SLC24A2: variants seen among roughly 807,000 people sequenced by gnomAD.
SLC24A2 encodes the protein solute carrier family 24 member 2.
Under a neutral mutation model 62.0 loss-of-function variants are expected in SLC24A2, and 36 were observed. The observed-to-expected ratio is 0.58, with a 90% CI of 0.44 to 0.77. The LOEUF (loss-of-function observed/expected upper bound fraction) is 0.77, where lower values mean the gene tolerates loss of function less well. Among genes scored for constraint, SLC24A2 ranks in the 30% least tolerant of loss-of-function variants. SLC24A2 has a pLI of 0.00. For synonymous variants in SLC24A2, 358 were observed against 294.0 expected, an observed-to-expected ratio of 1.22 and a Z score of -2.23; for missense variants, 846 against 817.9, an observed-to-expected ratio of 1.03 and a Z score of -0.42.
At chr9:20,295,112 TAC>T in the SLC24A2 span, among the ~76,000 whole-genome samples, 9 of 151,366 alleles carry the variant, frequency 5.9e-5, no homozygotes, top group African/African-American at 1.2e-4. Context: ...CCTCAAGAGA[TAC>T]AGTCACAAAT....
chr9:19,561,258 C>G (rs1015511830), intron 7 of SLC24A2, among the ~76,000 whole-genome samples: 2 of 151,696 alleles, frequency 1.3e-5, no homozygotes, highest in African/African-American at 4.8e-5. Flanking sequence ...CCAACTAATT[C>G]TCTCTACTCT....
At chr9:19,572,233 C>G (rs376424289) in intron 7 of SLC24A2, among the ~76,000 whole-genome samples, 2 of 117,658 alleles carry the variant, frequency 1.7e-5, no homozygotes, top group African/African-American at 6.6e-5. Context: ...GCACTCCAGG[C>G]TGGGTGACAG....
intron 2 of SLC24A2, among the ~76,000 whole-genome samples, chr9:19,636,334 T>TCC (rs1194037798): frequency 2.7e-4 from 7 of 25,918 alleles, no homozygotes; most frequent in African/African-American, 1.1e-3. Context: ...TTTCTTTCTT[T>TCC]CTTTCTTTCT....
chr9:19,695,937 A>G (rs1420721885), intron 2 of SLC24A2, among the ~76,000 whole-genome samples: 1 of 152,172 alleles, frequency 6.6e-6, no homozygotes, highest in Non-Finnish European at 1.5e-5. Context: ...CAACAACTTT[A>G]CTATATCTAC....
chr9:19,632,234 T>C lies in SLC24A2; in HGVS notation c.931-9935A>G, dbSNP rs76115167. 0.017 allele frequency among the ~76,000 whole-genome samples: 2,535 copies of C among 152,296 alleles called. 48 individuals are homozygous for C. The highest frequency in any genetic ancestry group is 0.094 in the East Asian group (485 of 5,170). Reference sequence around the variant, plus strand: ...CCCCATCTGCCATCCTTTGCTGTCATAGGGAGTCCAGGCAAATTGTCATTT... The same window carrying C: ...CCCCATCTGCCATCCTTTGCTGTCACAGGGAGTCCAGGCAAATTGTCATTT... On this transcript the variant is annotated intron_variant, in intron 2 of 10. Transcript: ENST00000341998. The surrounding 1 kb of genome is among the most constrained non-coding windows in gnomAD (Gnocchi z 4.5).
At chr9:19,976,077 T>C in the SLC24A2 span, among the ~76,000 whole-genome samples, 20 of 152,054 alleles carry the variant, frequency 1.3e-4, no homozygotes, top group Non-Finnish European at 2.5e-4. Context: ...GGTAACAGAG[T>C]CTTGCCATGT....
At chr9:20,039,366 G>A in the SLC24A2 span, among the ~76,000 whole-genome samples, 3 of 152,066 alleles carry the variant, frequency 2.0e-5, no homozygotes, top group Non-Finnish European at 2.9e-5. Flanking sequence ...ACTGGGATGC[G>A]GCAGCTGGCA....
the SLC24A2 span, among the ~76,000 whole-genome samples, chr9:20,112,943 C>T: frequency 6.6e-6 from 1 of 151,996 alleles, no homozygotes; most frequent in Non-Finnish European, 1.5e-5. Flanking sequence ...GTGAGAGACA[C>T]ACGGTTAGGG....
In SLC24A2 at chr9:19,749,524, A is replaced by G. The variant is rs112977641; in HGVS notation, c.930+36413T>C. On this transcript the variant is annotated intron_variant, in intron 2 of 10. Coordinates refer to ENST00000341998, the MANE Select transcript of SLC24A2 (RefSeq NM_020344.4). ...TGGTCTCTTCCTGTGCTAAAGACAA[A>G]AGGGACTGCTTATTTCTTACTAGAA... 3.5e-3 allele frequency among the ~76,000 whole-genome samples: 529 copies of G among 152,296 alleles called. 2 individuals carry two copies. Among genetic ancestry groups the G allele is most frequent in the African/African-American group, 0.012 (502 of 41,574 alleles).
chr9:20,044,653 A>C, the SLC24A2 span, among the ~76,000 whole-genome samples: 1 of 19,256 alleles, frequency 5.2e-5, no homozygotes, highest in Non-Finnish European at 7.6e-5. Context: ...ACAATGACCC[A>C]GATCATAAAA....
At chr9:20,249,820 G>T in the SLC24A2 span, among the ~76,000 whole-genome samples, 1 of 151,864 alleles carries the variant, frequency 6.6e-6, no homozygotes, top group Non-Finnish European at 1.5e-5. Context: ...AGTGAGGAAG[G>T]AGTGGTCACA....
At chr9:19,779,819 G>T (rs928397462) in intron 2 of SLC24A2, among the ~76,000 whole-genome samples, 3 of 152,210 alleles carry the variant, frequency 2.0e-5, no homozygotes, top group African/African-American at 7.2e-5. Flanking sequence ...GAGCATTTTG[G>T]GAGGCCGAGG....
the SLC24A2 span, among the ~76,000 whole-genome samples, chr9:19,978,063 G>A: frequency 6.6e-6 from 1 of 152,014 alleles, no homozygotes; most frequent in East Asian, 1.9e-4. Context: ...TAAATAGATG[G>A]GTGTTCAGAC....
chr9:19,994,411 T>C, the SLC24A2 span, among the ~76,000 whole-genome samples: 1 of 152,334 alleles, frequency 6.6e-6, no homozygotes, highest in South Asian at 2.1e-4. Flanking sequence ...CTCACCCTCC[T>C]TTCTGAGTCA....
the SLC24A2 span, among the ~76,000 whole-genome samples, chr9:20,281,255 T>C: frequency 1.3e-5 from 2 of 152,346 alleles, no homozygotes; most frequent in South Asian, 4.1e-4. Context: ...TAAGAAACTA[T>C]AACTACAACA....
chr9:20,047,002 G>T, the SLC24A2 span, among the ~76,000 whole-genome samples: 2 of 151,892 alleles, frequency 1.3e-5, no homozygotes, highest in Admixed American at 1.3e-4. Flanking sequence ...TTATTTTTAC[G>T]GGACTACTAT....
At chr9:20,046,277 T>C in the SLC24A2 span, among the ~76,000 whole-genome samples, 3 of 152,174 alleles carry the variant, frequency 2.0e-5, no homozygotes, top group African/African-American at 7.2e-5. Flanking sequence ...TACTGTCTAA[T>C]TGCTTCTGAA....
the SLC24A2 span, among the ~76,000 whole-genome samples, chr9:20,305,252 T>C: frequency 2.0e-4 from 31 of 151,622 alleles, no homozygotes; most frequent in Non-Finnish European, 4.0e-4. Context: ...GGATTACAGG[T>C]GTGTGCTACA....
At chr9:20,012,147 T>G in the SLC24A2 span, among the ~76,000 whole-genome samples, 1 of 152,186 alleles carries the variant, frequency 6.6e-6, no homozygotes, top group Admixed American at 6.5e-5. Context: ...AGATACCCAC[T>G]GTATTAGTCC....
Sources: allele counts gnomAD v4.1 joint callset (sites outside exome capture counted in the v4.1 genomes callset), GRCh38; gene constraint gnomAD v4.1.1; non-coding constraint Gnocchi (gnomAD v3.1); transcripts MANE v1.5; gene names NCBI Gene and HGNC (gene_info 2026-07-23, HGNC 2026-07-21).